Variants in SAMMSON observed in about 807,000 individuals in gnomAD.
The protein encoded by SAMMSON is survival associated mitochondrial melanoma specific oncogenic non-coding RNA, also known as long intergenic non-protein coding RNA 1212.
chr3:70,095,046 TG>T (rs773567966), intron 4 of SAMMSON, among the ~76,000 whole-genome samples: 3 of 152,174 alleles, frequency 2.0e-5, no homozygotes, highest in Non-Finnish European at 2.9e-5. Context: ...TCTAAAAATT[TG>T]GGGTCAGCAT....
chr3:70,017,333 T>G (rs2066990365), intron 3 of SAMMSON, among the ~76,000 whole-genome samples: 2 of 152,272 alleles, frequency 1.3e-5, no homozygotes, highest in Admixed American at 1.3e-4. Flanking sequence ...CTAGGTATTT[T>G]ATTCTCTTTG....
intron 2 of SAMMSON, among the ~76,000 whole-genome samples, chr3:70,411,277 A>G (rs1701216257): frequency 1.3e-5 from 2 of 152,196 alleles, no homozygotes; most frequent in African/African-American, 4.8e-5. Flanking sequence ...AGCTTTAGAT[A>G]GCTTAGATTT....
rs1559776290 is a variant in SAMMSON, at chr3:70,028,190, T to TTC, written n.417+14518_417+14519insTC. On this transcript the variant is annotated intron_variant and non_coding_transcript_variant, in intron 3 of 9. Coordinates refer to ENST00000642114, the Ensembl canonical transcript of SAMMSON. ...TCCTTCCTTCCTTCCTTCCTTCCTT[T>TTC]CTTTCTTTCTTTCTCTCTTTCTTTC... is the stretch of plus-strand genomic sequence containing the variant. Among the ~76,000 whole-genome samples, 669 of 143,394 alleles carry TTC rather than the reference T, an allele frequency of 4.7e-3. 4 individuals are homozygous for TTC. The highest frequency in any genetic ancestry group is 0.019 in the African/African-American group (649 of 34,980). The allele number at this position is 143,394 out of a possible 152,430, so 94.1% of individuals were successfully genotyped here.
chr3:70,140,633 G>C (rs927361300), intron 4 of SAMMSON: 1 of 152,112 alleles, frequency 6.6e-6, no homozygotes, highest in Non-Finnish European at 1.5e-5. Context: ...GTAGCTTCTA[G>C]GTAATTAGCA....
chr3:70,105,321 C>T (rs2067363285), intron 4 of SAMMSON, among the ~76,000 whole-genome samples: 2 of 152,140 alleles, frequency 1.3e-5, no homozygotes, highest in Admixed American at 1.3e-4. Context: ...GGGCATACCA[C>T]CACACAATAA....
intron 4 of SAMMSON, among the ~76,000 whole-genome samples, chr3:70,166,726 A>C (rs776882045): frequency 2.0e-5 from 3 of 151,930 alleles, no homozygotes; most frequent in Non-Finnish European, 4.4e-5. Flanking sequence ...CCAACTGAAA[A>C]TTGCCTGTGA....
chr3:70,285,141 T>C (rs1702130540), intron 6 of SAMMSON, among the ~76,000 whole-genome samples: 2 of 151,750 alleles, frequency 1.3e-5, no homozygotes, highest in Admixed American at 6.6e-5. Context: ...TGTGCCATGC[T>C]GGTGCACTGC....
chr3:70,391,611 G>A (rs4974286), downstream of SAMMSON, among the ~76,000 whole-genome samples: 13,683 of 152,102 alleles, frequency 0.09, 755 homozygotes, highest in East Asian at 0.27. Context: ...CAGTAGTATA[G>A]AGGGCAATGT....
At chr3:70,313,248 G>T (rs562437335) in intron 7 of SAMMSON, among the ~76,000 whole-genome samples, 1 of 152,252 alleles carries the variant, frequency 6.6e-6, no homozygotes, top group Non-Finnish European at 1.5e-5. Flanking sequence ...GAAATGGATT[G>T]CTTGAGGCAA....
At chr3:70,231,468 A>G (rs1701559649) in intron 4 of SAMMSON, among the ~76,000 whole-genome samples, 2 of 152,168 alleles carry the variant, frequency 1.3e-5, no homozygotes, top group African/African-American at 4.8e-5. Flanking sequence ...TCCCTTCTAA[A>G]TTGCATCACA....
intron 7 of SAMMSON, among the ~76,000 whole-genome samples, chr3:70,331,972 C>T (rs866137280): frequency 4.6e-5 from 7 of 152,104 alleles, no homozygotes; most frequent in Non-Finnish European, 8.8e-5. Flanking sequence ...TATGTGCAGA[C>T]AAAGGGAAGT....
intron 4 of SAMMSON, among the ~76,000 whole-genome samples, chr3:70,211,361 T>TTCC (rs1168209285): frequency 0.18 from 885 of 4,844 alleles, 395 homozygotes; most frequent in Non-Finnish European, 0.63. Flanking sequence ...TTCCCTTCCC[T>TTCC]TTGCCCTTCC....
At chr3:70,087,374 A>G (rs1316921298) in intron 4 of SAMMSON, among the ~76,000 whole-genome samples, 1 of 152,226 alleles carries the variant, frequency 6.6e-6, no homozygotes, top group African/African-American at 2.4e-5. Flanking sequence ...AGGAGTAGCC[A>G]GTGCCATGCA....
chr3:70,338,990 G>A (rs1044317391), intron 7 of SAMMSON, among the ~76,000 whole-genome samples: 17 of 152,110 alleles, frequency 1.1e-4, no homozygotes, highest in Non-Finnish European at 1.9e-4. Flanking sequence ...CACACTACCT[G>A]ACTTCAAACT....
At chr3:70,406,028 A>G (rs1251152068) in intron 2 of SAMMSON, among the ~76,000 whole-genome samples, 1 of 152,198 alleles carries the variant, frequency 6.6e-6, no homozygotes, top group Admixed American at 6.5e-5. Context: ...CATTCTTGAA[A>G]ATTGCTGAAA....
At chr3:70,253,954 A>G (rs1484870560) in intron 6 of SAMMSON, among the ~76,000 whole-genome samples, 1 of 152,206 alleles carries the variant, frequency 6.6e-6, no homozygotes, top group African/African-American at 2.4e-5. Context: ...CTTTCCTAGT[A>G]TGCTCTGTGG....
intron 7 of SAMMSON, chr3:70,312,595 G>A (rs1702463992): frequency 6.6e-6 from 1 of 152,268 alleles, no homozygotes; most frequent in South Asian, 2.1e-4. Context: ...CTGGGGAGCA[G>A]TGAGCTGCAG....
At chr3:70,178,616 C>T (rs1280666768) in intron 4 of SAMMSON, among the ~76,000 whole-genome samples, 6 of 152,164 alleles carry the variant, frequency 3.9e-5, no homozygotes, top group African/African-American at 1.4e-4. Flanking sequence ...CCTGCAAATA[C>T]CACTGCGGAG....
chr3:70,366,624 T>C (rs1259331433), intron 9 of SAMMSON, among the ~76,000 whole-genome samples: 1 of 151,528 alleles, frequency 6.6e-6, no homozygotes, highest in Non-Finnish European at 1.5e-5. Flanking sequence ...GTTTTAGCAA[T>C]TGTAAATAAT....
Sources: allele counts gnomAD v4.1 joint callset (sites outside exome capture counted in the v4.1 genomes callset), GRCh38; gene constraint gnomAD v4.1.1; transcripts MANE v1.5; gene names NCBI Gene and HGNC (gene_info 2026-07-23, HGNC 2026-07-21).